MGLL: variants seen among roughly 807,000 people sequenced by gnomAD.
MGLL encodes the protein lysophospholipase homolog.
MGLL carries 7 observed loss-of-function variants against 29.1 expected under a neutral mutation model. The observed-to-expected ratio is 0.24, with a 90% confidence interval of 0.14 to 0.45. MGLL has a LOEUF of 0.45. Among genes scored for constraint, MGLL ranks in the 20% least tolerant of loss-of-function variants. MGLL has a pLI of 0.99. For missense variants in MGLL, 356 were observed against 413.6 expected (o/e 0.86, Z 1.21); for synonymous variants, 148 against 168.3 (o/e 0.88, Z 0.93).
chr3:127,772,672 C>T (rs1429713908), intron 3 of MGLL, among the ~76,000 whole-genome samples: 1 of 152,120 alleles, frequency 6.6e-6, no homozygotes, highest in African/African-American at 2.4e-5. Flanking sequence ...TGTATGCATC[C>T]AAAACTGCTG....
chr3:127,801,370 A>G (rs1336618442), intron 2 of MGLL, among the ~76,000 whole-genome samples: 1 of 151,322 alleles, frequency 6.6e-6, no homozygotes, highest in Non-Finnish European at 1.5e-5. Flanking sequence ...TAATCTCAGC[A>G]CTTTGTGAGG....
At chr3:127,715,121 C>T (rs2075790187) in intron 5 of MGLL, among the ~76,000 whole-genome samples, 1 of 152,180 alleles carries the variant, frequency 6.6e-6, no homozygotes, top group Non-Finnish European at 1.5e-5. Flanking sequence ...AGAAACACCT[C>T]CTCCCAGTGC....
chr3:127,742,513 C>T (rs2076360751), intron 3 of MGLL, among the ~76,000 whole-genome samples: 1 of 147,278 alleles, frequency 6.8e-6, no homozygotes, highest in Non-Finnish European at 1.5e-5. Flanking sequence ...TCGCTTGAGC[C>T]CAAGAGGCAG....
chr3:127,700,163 T>C (rs920640294), intron 6 of MGLL, among the ~76,000 whole-genome samples: 7 of 152,024 alleles, frequency 4.6e-5, no homozygotes, highest in African/African-American at 1.2e-4. Context: ...AGAGAAAGAG[T>C]GCATGACACT....
chr3:127,781,935 A>G, intron 2 of MGLL, 40 bp from the exon 3 acceptor site: 1 of 1,597,224 alleles, frequency 6.3e-7, no homozygotes, highest in African/African-American at 1.3e-5. Context: ...GAAAGCCCAC[A>G]CGGGGCTGGG....
intron 5 of MGLL, chr3:127,715,800 C>T (rs1056661212): frequency 8.8e-6 from 4 of 456,780 alleles, no homozygotes; most frequent in South Asian, 4.6e-5. Context: ...CTCCCACAAC[C>T]TCCATCCTGA....
intron 2 of MGLL, among the ~76,000 whole-genome samples, chr3:127,811,427 C>G (rs182566484): frequency 3.3e-5 from 5 of 152,224 alleles, no homozygotes; most frequent in Admixed American, 6.5e-5. Flanking sequence ...GAGTCTAGAG[C>G]TGGTACCTTG....
At chr3:127,712,726 T>C (rs1408419242) in intron 5 of MGLL, 1 of 152,340 alleles carries the variant, frequency 6.6e-6, no homozygotes, top group Admixed American at 6.5e-5. Flanking sequence ...TGTGTCTGCA[T>C]AATCGGAAGC....
At position 127,721,124 on chromosome 3, in the gene MGLL, C is replaced by T. The variant is rs746874013; in HGVS notation, c.439G>A (p.Gly147Ser). ...IAILTAAERP[G>S]HFAGMVLISP... ...ATGAGTACCATGCCGGCGAAGTGGCCCGGCCTCTCTGCGGCCGTGAGGATG... is the reference window on the plus strand; with the variant it reads ...ATGAGTACCATGCCGGCGAAGTGGCTCGGCCTCTCTGCGGCCGTGAGGATG... Residue 147 changes from glycine to serine, a missense_variant, in exon 5 of 8, where the codon GGC becomes AGC. Transcript: ENST00000265052. 1.2e-6 allele frequency: 2 copies of T among 1,614,194 alleles called. No individual in the cohort carries two copies. Among genetic ancestry groups the T allele is most frequent in the African/African-American group, 1.3e-5 (1 of 75,026 alleles).
At chr3:127,790,683 GA>G (rs2077284759) in intron 2 of MGLL, among the ~76,000 whole-genome samples, 1 of 152,198 alleles carries the variant, frequency 6.6e-6, no homozygotes, top group Non-Finnish European at 1.5e-5. Flanking sequence ...TGCCCTTACG[GA>G]AGTCGCATGG....
intron 5 of MGLL, among the ~76,000 whole-genome samples, chr3:127,717,147 G>C (rs551664851): frequency 6.6e-6 from 1 of 152,342 alleles, no homozygotes; most frequent in African/African-American, 2.4e-5. Context: ...CAAAGGGCCA[G>C]TGCATGGCTA....
chr3:127,792,761 T>C (rs535013147), intron 2 of MGLL, among the ~76,000 whole-genome samples: 2 of 151,910 alleles, frequency 1.3e-5, no homozygotes, highest in African/African-American at 2.4e-5. Context: ...AAGCTGCCGG[T>C]AGGTACCAGT....
rs552829472 is a variant in MGLL at position 127,694,405 on chromosome 3, G to GTA, written c.816+568_816+569dup. ...TATGTGTGTATATATATGTATGTGT[G>GTA]TATATATATGTGTGTGTGTATATAT... On this transcript the variant is annotated intron_variant, in intron 7 of 7. Transcript: ENST00000265052. Among the ~76,000 whole-genome samples, 221 of 149,116 alleles carry GTA rather than the reference G, an allele frequency of 1.5e-3. 2 individuals carry two copies. Among genetic ancestry groups the GTA allele is most frequent in the Admixed American group, 4.0e-3 (59 of 14,914 alleles).
rs146599168 is a variant in MGLL, at chr3:127,718,371, C to G, written c.510+2682G>C. ...CACAGCCACACTCAGGGAAGCCCCT[C>G]AGCCCCACCACCAAACAGATTTCCC... On this transcript the variant is annotated intron_variant, in intron 5 of 7. Coordinates refer to ENST00000265052, the MANE Select transcript of MGLL (RefSeq NM_007283.7). Among the ~76,000 whole-genome samples the G allele has an allele frequency of 7.9e-5, 12 of 152,312 alleles. No individual in the cohort carries two copies. In the East Asian group the frequency reaches 2.3e-3, roughly 29 times the overall value.
chr3:127,727,667 G>A (rs926241786), intron 3 of MGLL, among the ~76,000 whole-genome samples: 3 of 142,898 alleles, frequency 2.1e-5, no homozygotes, highest in African/African-American at 5.3e-5. Flanking sequence ...AGCCATGATC[G>A]TGCCACTGGG....
chr3:127,764,546 C>T (rs948940201), intron 3 of MGLL, among the ~76,000 whole-genome samples: 4 of 152,210 alleles, frequency 2.6e-5, no homozygotes, highest in African/African-American at 4.8e-5. Flanking sequence ...GTGCTCTCCT[C>T]ATCTGTAATA....
At chr3:127,745,475 C>T (rs2076424888) in intron 3 of MGLL, among the ~76,000 whole-genome samples, 1 of 152,112 alleles carries the variant, frequency 6.6e-6, no homozygotes, top group Admixed American at 6.6e-5. Context: ...ATGTCCTCAC[C>T]TGTAGGTGGG....
intron 6 of MGLL, 139 bp from the exon 7 acceptor site, chr3:127,695,329 C>A (rs770071683): frequency 6.1e-6 from 5 of 821,230 alleles, no homozygotes; most frequent in Non-Finnish European, 9.8e-6. Flanking sequence ...GGGCATGGCT[C>A]TGAAGGCCAG....
At chr3:127,786,523 G>A (rs1327745801) in intron 2 of MGLL, among the ~76,000 whole-genome samples, 1 of 152,202 alleles carries the variant, frequency 6.6e-6, no homozygotes, top group Non-Finnish European at 1.5e-5. Context: ...CCCAGAAGCA[G>A]ATGGCCTGCC....
Sources: gnomAD v4.1 joint callset for allele counts (sites outside exome capture counted in the v4.1 genomes callset) on GRCh38, gnomAD v4.1.1 for gene constraint, MANE v1.5 for transcripts, NCBI Gene and HGNC (gene_info 2026-07-23, HGNC 2026-07-21) for gene names.